Variants in MYRFL observed in about 807,000 individuals in gnomAD.
MYRFL encodes myelin regulatory factor-like protein.
Under a neutral mutation model 109.4 loss-of-function variants are expected in MYRFL, and 88 were observed. The ratio of observed to expected loss-of-function variants is 0.80; its 90% CI spans 0.68 to 0.96. MYRFL has a LOEUF of 0.96. MYRFL is among the 40% of genes least tolerant of loss of function. The pLI is 0.00. For missense variants in MYRFL, 957 were observed against 954.9 expected (o/e 1.00, Z -0.03); for synonymous variants, 324 against 320.9 (o/e 1.01, Z -0.10).
rs374543608 is a variant in MYRFL, at chr12:69,938,777, G to T, written c.2224+2145G>T. 2.4e-4 allele frequency among the ~76,000 whole-genome samples: 37 copies of T among 152,284 alleles called. No homozygotes were observed. In the East Asian group the frequency reaches 7.0e-3, roughly 29 times the overall value. On this transcript the variant is annotated intron_variant, in intron 19 of 24. Transcript: ENST00000552032. The stretch of plus-strand genomic sequence containing the variant: ...GGGTGATTTCTGCATTTCCCTCTGA[G>T]GTACCGGGTTCATCTCACTAGGGAG...
At chr12:69,837,884 C>T (rs1027416737) in intron 1 of MYRFL, among the ~76,000 whole-genome samples, 1 of 152,166 alleles carries the variant, frequency 6.6e-6, no homozygotes, top group South Asian at 2.1e-4. Context: ...CCTATGGACA[C>T]CTGGAAGGAG....
Position 69,936,122 on chromosome 12 carries a change from G to A in MYRFL, c.1926G>A (p.Thr642=), listed in dbSNP as rs977592365. The A allele has an allele frequency of 2.4e-5, 11 of 465,302 alleles. No individual in the cohort carries two copies. The highest frequency in any genetic ancestry group is 3.9e-5 in the Non-Finnish European group (11 of 282,986). The allele number at this position is 465,302 out of a possible 1,614,324, so 28.8% of individuals were successfully genotyped here. ...LIAVMAFCAL[T]IVALYILSLK... is the part of the protein sequence containing the mutation. ...TTTTTTTTTTTGACAGTGCTTTGAC[G>A]ATAGTTGCCCTCTATATACTTAGCT... Residue 642 remains threonine (T), a synonymous_variant, in exon 17 of 25, where the codon ACG becomes ACA. Coordinates refer to ENST00000552032, the MANE Select transcript of MYRFL (RefSeq NM_182530.3).
intron 1 of MYRFL, among the ~76,000 whole-genome samples, chr12:69,831,480 G>A (rs1360561729): frequency 6.6e-6 from 1 of 152,110 alleles, no homozygotes; most frequent in Non-Finnish European, 1.5e-5. Context: ...TAGGAACATG[G>A]GTTCTGAGTT....
At chr12:69,900,773 T>A (rs1566010914) in intron 10 of MYRFL, among the ~76,000 whole-genome samples, 1 of 152,220 alleles carries the variant, frequency 6.6e-6, no homozygotes, top group South Asian at 2.1e-4. Flanking sequence ...TTCAAATTGC[T>A]GCTGATGCTG....
chr12:69,957,958 T>G lies in MYRFL; in HGVS notation c.2571+16T>G. ...GATGACACAGGTAATGTTTTCTGCC[T>G]CCTCTCTTCCCCGCTGAGAGAGGGA... On this transcript the variant is annotated intron_variant, in intron 23 of 24. Coordinates refer to ENST00000552032, the MANE Select transcript of MYRFL (RefSeq NM_182530.3). The G allele has an allele frequency of 6.6e-7, 1 of 1,525,958 alleles. No homozygotes were observed. The highest frequency in any genetic ancestry group is 8.8e-7 in the Non-Finnish European group (1 of 1,138,968). 94.5% of individuals were successfully genotyped at this position (1,525,958 alleles called of 1,614,324 possible).
At chr12:69,839,109 T>TA (rs1208307348) in intron 1 of MYRFL, among the ~76,000 whole-genome samples, 1 of 152,178 alleles carries the variant, frequency 6.6e-6, no homozygotes, top group Admixed American at 6.5e-5. Context: ...CGTAGATCCA[T>TA]AATATTTTAA....
At chr12:69,864,838 G>A (rs1884920921) in intron 2 of MYRFL, among the ~76,000 whole-genome samples, 1 of 152,070 alleles carries the variant, frequency 6.6e-6, no homozygotes, top group South Asian at 2.1e-4. Context: ...ATGAATTGTG[G>A]ACAATGGATA....
At chr12:69,947,964 C>T (rs1370323010) in intron 19 of MYRFL, among the ~76,000 whole-genome samples, 4 of 152,156 alleles carry the variant, frequency 2.6e-5, no homozygotes, top group African/African-American at 4.8e-5. Flanking sequence ...CTTTACTCTC[C>T]AGAAGTTTCT....
At chr12:69,885,765 T>C (rs924746409) in intron 5 of MYRFL, among the ~76,000 whole-genome samples, 6 of 152,352 alleles carry the variant, frequency 3.9e-5, no homozygotes, top group African/African-American at 1.4e-4. Context: ...ATTTTTGACA[T>C]AGAAAAGTGG....
At position 69,936,096 on chromosome 12, in the gene MYRFL, TTTTTTTTTTTTG is replaced by T; in HGVS notation, c.1917-16_1917-5del. ...ACATAATGTTTTTTTTTTTTTTTTT[TTTTTTTTTTTTG>T]ACAGTGCTTTGACGATAGTTGCCCT... On this transcript the variant is annotated splice_region_variant and splice_polypyrimidine_tract_variant and intron_variant, in intron 16 of 24. Coordinates refer to ENST00000552032, the MANE Select transcript of MYRFL (RefSeq NM_182530.3). The T allele has an allele frequency of 7.0e-7, 1 of 1,422,684 alleles. No homozygotes were observed. Among genetic ancestry groups the T allele is most frequent in the Non-Finnish European group, 9.1e-7 (1 of 1,093,982 alleles). The allele number at this position is 1,422,684 out of a possible 1,614,324, so 88.1% of individuals were successfully genotyped here. A position where few individuals can be genotyped will look rare whatever the true frequency, so the allele number is the denominator to read the frequency against.
chr12:69,951,497 G>A (rs1359608028), intron 19 of MYRFL, among the ~76,000 whole-genome samples: 4 of 145,592 alleles, frequency 2.7e-5, no homozygotes, highest in East Asian at 2.1e-4. Context: ...GCGCAATCTC[G>A]GCTCACCACA....
rs1043626758 is a variant in MYRFL at position 69,864,241 on chromosome 12, A to G, written c.137+8871A>G. Among the ~76,000 whole-genome samples, 8 of 152,080 alleles carry G rather than the reference A, an allele frequency of 5.3e-5. No homozygotes were observed. The East Asian group carries it at 1.5e-3, about 29-fold the overall frequency. ...TGTTTTTTAACATTTATTTTTCTTTACCAGTGTCTTTCTTTTTCCCTTCTA... is the reference window on the plus strand; with the variant it reads ...TGTTTTTTAACATTTATTTTTCTTTGCCAGTGTCTTTCTTTTTCCCTTCTA... On this transcript the variant is annotated intron_variant, in intron 2 of 24. Coordinates refer to ENST00000552032, the MANE Select transcript of MYRFL (RefSeq NM_182530.3).
chr12:69,877,829 A>C (rs1369216031), intron 2 of MYRFL, among the ~76,000 whole-genome samples: 2 of 152,220 alleles, frequency 1.3e-5, no homozygotes. Flanking sequence ...AATCAAGTAG[A>C]GGTTGGGGTG....
intron 5 of MYRFL, among the ~76,000 whole-genome samples, chr12:69,882,548 A>G (rs1886191913): frequency 6.6e-6 from 1 of 152,198 alleles, no homozygotes; most frequent in African/African-American, 2.4e-5. Flanking sequence ...GGCCTGAGTC[A>G]ATCAATAAAA....
At chr12:69,938,420 C>G (rs1287368842) in intron 19 of MYRFL, among the ~76,000 whole-genome samples, 1 of 152,154 alleles carries the variant, frequency 6.6e-6, no homozygotes, top group African/African-American at 2.4e-5. Flanking sequence ...GTTTCTTGAC[C>G]TCTGAACAAG....
intron 19 of MYRFL, among the ~76,000 whole-genome samples, chr12:69,949,482 C>T (rs1470862949): frequency 2.0e-5 from 3 of 152,198 alleles, no homozygotes; most frequent in African/African-American, 4.8e-5. Context: ...TGGCCCCACA[C>T]CAGCAGCCTG....
intron 2 of MYRFL, among the ~76,000 whole-genome samples, chr12:69,864,750 G>A (rs191759627): frequency 6.6e-6 from 1 of 151,998 alleles, no homozygotes; most frequent in Non-Finnish European, 1.5e-5. Flanking sequence ...TGTGCTAGGC[G>A]CTGCATGGGC....
At chr12:69,898,757 T>C (rs547084589) in intron 10 of MYRFL, among the ~76,000 whole-genome samples, 30 of 152,346 alleles carry the variant, frequency 2.0e-4, no homozygotes, top group African/African-American at 7.0e-4. Context: ...GTCACCTGCA[T>C]ACTTGGAATA....
chr12:69,891,429 A>G (rs1886794117), intron 7 of MYRFL, among the ~76,000 whole-genome samples: 2 of 152,196 alleles, frequency 1.3e-5, no homozygotes, highest in African/African-American at 4.8e-5. Context: ...TGGAGCTCAA[A>G]TGGGGCTCTA....
Sources: allele counts gnomAD v4.1 joint callset (sites outside exome capture counted in the v4.1 genomes callset), GRCh38; gene constraint gnomAD v4.1.1; transcripts MANE v1.5; gene names NCBI Gene and HGNC (gene_info 2026-07-23, HGNC 2026-07-21).